Variants in PCDHA8 observed in about 807,000 individuals in gnomAD.
PCDHA8 encodes the protein protocadherin alpha 8, also known as protocadherin alpha-8.
PCDHA8 carries 53 observed loss-of-function variants against 61.8 expected under a neutral mutation model. That is an observed-to-expected ratio of 0.86 (90% confidence interval 0.69 to 1.08). The LOEUF (loss-of-function observed/expected upper bound fraction) is 1.08, where lower values mean the gene tolerates loss of function less well. Ranked by LOEUF, PCDHA8 falls within the 50% of genes least tolerant of loss-of-function variation. PCDHA8 has a pLI of 0.00. For missense variants in PCDHA8, 1,293 were observed against 1,245.0 expected (o/e 1.04, Z -0.58); for synonymous variants, 618 against 556.6 (o/e 1.11, Z -1.55).
chr5:140,948,318 A>G (rs1423632599), intron 1 of PCDHA8, among the ~76,000 whole-genome samples: 1 of 151,520 alleles, frequency 6.6e-6, no homozygotes, highest in Non-Finnish European at 1.5e-5. Flanking sequence ...TTGAGGGGTA[A>G]TGTTTTCATT....
chr5:140,894,821 C>T, intron 1 of PCDHA8, among the ~76,000 whole-genome samples: 1 of 151,806 alleles, frequency 6.6e-6, no homozygotes, highest in Non-Finnish European at 1.5e-5. Context: ...TCAGATTTGC[C>T]CATAATCCTT....
chr5:140,927,306 G>T (rs782091835), intron 1 of PCDHA8: 10 of 1,614,040 alleles, frequency 6.2e-6, no homozygotes, highest in Non-Finnish European at 5.9e-6. Context: ...AGTTCCTGAC[G>T]CCCGGAGCCC....
chr5:140,889,108 T>C (rs553126619), intron 1 of PCDHA8, among the ~76,000 whole-genome samples: 3 of 151,936 alleles, frequency 2.0e-5, no homozygotes, highest in Admixed American at 1.3e-4. Context: ...TCATCTTTAT[T>C]CCAGGTGATA....
At chr5:140,876,033 T>A in intron 1 of PCDHA8, 1 of 1,613,668 alleles carries the variant, frequency 6.2e-7, no homozygotes, top group South Asian at 1.1e-5. Context: ...CAAAAAAAGA[T>A]AAAAGTATAT....
intron 3 of PCDHA8, among the ~76,000 whole-genome samples, chr5:140,995,774 G>A (rs2097697505): frequency 1.3e-5 from 2 of 151,968 alleles, no homozygotes; most frequent in Admixed American, 1.3e-4. Context: ...GAGAGTGAAG[G>A]GCAGGTTTAA....
rs114742019 is a variant in PCDHA8, at chr5:140,911,730, G to A, written c.2395-67219G>A. Among the ~76,000 whole-genome samples the A allele has an allele frequency of 8.1e-3, 1,236 of 152,190 alleles. 6 individuals carry two copies. The highest frequency in any genetic ancestry group is 0.019 in the African/African-American group (801 of 41,524). ...TTTTGTGTAACTCTGTAAACAGTTC[G>A]TGCCAAGGACTATCAGTGTTCTCCA... is the stretch of plus-strand genomic sequence containing the variant. On this transcript the variant is annotated intron_variant, in intron 1 of 3. Coordinates refer to ENST00000531613, the MANE Select transcript of PCDHA8 (RefSeq NM_018911.3).
chr5:140,966,529 G>C (rs1382443921), intron 1 of PCDHA8: 5 of 446,974 alleles, frequency 1.1e-5, no homozygotes, highest in Non-Finnish European at 1.9e-5. Flanking sequence ...GCCGAGCCGG[G>C]TTGAGCGACT....
intron 1 of PCDHA8, chr5:140,850,154 G>C (rs2150469964): frequency 6.3e-7 from 1 of 1,595,410 alleles, no homozygotes; most frequent in Non-Finnish European, 8.6e-7. Flanking sequence ...CGCTGCAGGT[G>C]TTCGTGCTGG....
rs150544958 is a variant in PCDHA8, at chr5:140,940,065, T to C, written c.2395-38884T>C. ...TATTAGATTCTTAACCAAATATAAA[T>C]ATGTGATATCTTTCTGCTAAATTGA... On this transcript the variant is annotated intron_variant, in intron 1 of 3. Coordinates refer to ENST00000531613, the MANE Select transcript of PCDHA8 (RefSeq NM_018911.3). Among the ~76,000 whole-genome samples the C allele has an allele frequency of 2.1e-3, 313 of 152,364 alleles. 1 individual carries two copies. Among genetic ancestry groups the C allele is most frequent in the African/African-American group, 7.1e-3 (295 of 41,596 alleles).
chr5:140,891,904 T>A (rs1429453216), intron 1 of PCDHA8, among the ~76,000 whole-genome samples: 3 of 152,212 alleles, frequency 2.0e-5, no homozygotes, highest in Non-Finnish European at 4.4e-5. Flanking sequence ...AAGAAGATCT[T>A]CACCAGATGC....
chr5:140,885,044 T>G (rs187504984), intron 1 of PCDHA8, among the ~76,000 whole-genome samples: 1 of 152,360 alleles, frequency 6.6e-6, no homozygotes, highest in African/African-American at 2.4e-5. Context: ...TTTAGTTTAA[T>G]GTATACATAT....
In PCDHA8 at chr5:140,892,541, T is replaced by G. The variant is rs192378744; in HGVS notation, c.2394+48826T>G. Among the ~76,000 whole-genome samples, 3 of 152,250 alleles carry G rather than the reference T, an allele frequency of 2.0e-5. 1 individual carries two copies. The highest frequency in any genetic ancestry group is 7.2e-5 in the African/African-American group (3 of 41,464). ...CTGGTAGACTCAGGATTCTGACTTT[T>G]GTTTCTCTAGTCCTTGGAGACTGTC... On this transcript the variant is annotated intron_variant, in intron 1 of 3. Transcript: ENST00000531613.
rs1554138500 is a variant in PCDHA8, at chr5:140,841,732, C to A, written c.411C>A (p.Asp137Glu). The change falls in exon 1 of 4, where the codon GAC becomes GAA. Residue 137 changes from aspartate to glutamate, a missense_variant. Transcript: ENST00000531613. ...ACCCGCCAGTGTTCCGGGTAAAAGA[C>A]CAAAAGCTGTTTGTTTCAGAATCCA... ...NDNPPVFRVK[D>E]QKLFVSESRM... The A allele has an allele frequency of 2.5e-6, 4 of 1,613,740 alleles. No homozygotes were observed. Among genetic ancestry groups the A allele is most frequent in the Non-Finnish European group, 2.5e-6 (3 of 1,179,870 alleles).
At chr5:140,858,645 T>C (rs2045537080) in intron 1 of PCDHA8, 1 of 818,880 alleles carries the variant, frequency 1.2e-6, no homozygotes, top group Non-Finnish European at 1.9e-6. Context: ...TGATTGGTAC[T>C]TAAATTTTTT....
chr5:140,860,895 G>A (rs185431284), intron 1 of PCDHA8: 2,100 of 152,348 alleles, frequency 0.014, 26 homozygotes, highest in Non-Finnish European at 0.02. Flanking sequence ...CCGCCAACAC[G>A]CCAGGCTAAT....
At chr5:141,004,367 T>C (rs1281168288) in intron 3 of PCDHA8, among the ~76,000 whole-genome samples, 5 of 152,198 alleles carry the variant, frequency 3.3e-5, no homozygotes, top group Non-Finnish European at 5.9e-5. Context: ...CCACACCTTG[T>C]TCTGCTCTGC....
rs1554177749 is a variant in PCDHA8 at position 140,883,345 on chromosome 5, C to T, written c.2394+39630C>T. The T allele has an allele frequency of 1.9e-6, 3 of 1,614,050 alleles. No homozygotes were observed. In the African/African-American group the frequency reaches 4.0e-5, roughly 22 times the overall value. On this transcript the variant is annotated intron_variant, in intron 1 of 3. Transcript: ENST00000531613. ...CCATCACTTCTTTGTCACTCCCCAT[C>T]AGAGAAGACACTCAGCCTAGCGCCA...
intron 1 of PCDHA8, chr5:140,858,116 G>T: frequency 1.3e-6 from 2 of 1,597,882 alleles, no homozygotes; most frequent in Non-Finnish European, 1.7e-6. Context: ...GCCCGAGGTG[G>T]CCCTGGTGGA....
At chr5:140,921,961 C>T (rs528457864) in intron 1 of PCDHA8, among the ~76,000 whole-genome samples, 88 of 151,252 alleles carry the variant, frequency 5.8e-4, no homozygotes, top group Non-Finnish European at 9.1e-4. Context: ...TCCCAGAAAA[C>T]CAAAGGAAAA....
Sources: gnomAD v4.1 joint callset for allele counts (sites outside exome capture counted in the v4.1 genomes callset) on GRCh38, gnomAD v4.1.1 for gene constraint, MANE v1.5 for transcripts, NCBI Gene and HGNC (gene_info 2026-07-23, HGNC 2026-07-21) for gene names.